FANK1: variants seen among roughly 807,000 people sequenced by gnomAD.
The protein encoded by FANK1 is fibronectin type III and ankyrin repeat domains 1.
A neutral mutation model predicts 45.3 loss-of-function variants in FANK1; 44 were observed. The observed-to-expected ratio is 0.97, with a 90% CI of 0.76 to 1.25. The LOEUF is 1.25. Among genes scored for constraint, FANK1 ranks in the 50% most tolerant of loss-of-function variants. The pLI is 0.00. For synonymous variants in FANK1, 149 were observed against 152.5 expected, an observed-to-expected ratio of 0.98 and a Z score of 0.17; for missense variants, 391 against 424.4, an observed-to-expected ratio of 0.92 and a Z score of 0.69.
At chr10:125,980,563 T>C (rs546796059) in intron 2 of FANK1, 1 of 483,842 alleles carries the variant, frequency 2.1e-6, no homozygotes, top group Non-Finnish European at 3.6e-6. Flanking sequence ...TTCTGAAATA[T>C]TTTAATGATA....
At position 126,005,939 on chromosome 10, in the gene FANK1, A is replaced by G. The variant is rs761304745; in HGVS notation, c.705+890A>G. Reference sequence around the variant, plus strand: ...TTATCAGAAACTGCAAATTTGATTTAGCAAATAGAAGCAGTGTTGTTGGAC... The same window carrying G: ...TTATCAGAAACTGCAAATTTGATTTGGCAAATAGAAGCAGTGTTGTTGGAC... On this transcript the variant is annotated intron_variant, in intron 7 of 10. Coordinates refer to ENST00000368693, the MANE Select transcript of FANK1 (RefSeq NM_145235.5). 3.3e-5 allele frequency among the ~76,000 whole-genome samples: 5 copies of G among 152,236 alleles called. No individual in the cohort carries two copies. In the South Asian group the frequency reaches 6.2e-4, roughly 19 times the overall value.
chr10:125,960,272 C>A (rs1949837725), intron 1 of FANK1: 1 of 300,334 alleles, frequency 3.3e-6, no homozygotes. Context: ...GCAGGGCATC[C>A]TTTCAGGCAT....
At chr10:125,898,411 G>C (rs112450158) in intron 1 of FANK1, among the ~76,000 whole-genome samples, 1 of 152,076 alleles carries the variant, frequency 6.6e-6, no homozygotes, top group Non-Finnish European at 1.5e-5. Context: ...GAACTCCTGA[G>C]GTCTTGGTGG....
chr10:125,974,390 CT>C (rs758264601), intron 1 of FANK1, among the ~76,000 whole-genome samples: 1 of 151,454 alleles, frequency 6.6e-6, no homozygotes, highest in East Asian at 1.9e-4. Context: ...ATACAAGATC[CT>C]TTTTTTTTAA....
intron 1 of FANK1, among the ~76,000 whole-genome samples, chr10:125,934,722 C>CTG (rs1564888108): frequency 8.1e-6 from 1 of 122,978 alleles, no homozygotes; most frequent in African/African-American, 3.2e-5. Flanking sequence ...TGTACCCCTA[C>CTG]CGTTTTTTTT....
At chr10:125,950,529 C>T (rs1351665543) in intron 1 of FANK1, among the ~76,000 whole-genome samples, 3 of 152,108 alleles carry the variant, frequency 2.0e-5, no homozygotes, top group Non-Finnish European at 4.4e-5. Flanking sequence ...CTCATCATCA[C>T]TGGCCATCAG....
chr10:125,941,567 A>G lies in FANK1; in HGVS notation c.14-38594A>G, dbSNP rs371145541. ...ACTGCTATGTCTAGGCCACAAAGAA[A>G]CCTTCATGTGGATACCAAGAAACCA... On this transcript the variant is annotated intron_variant, in intron 1 of 10. Transcript: ENST00000368693. Among the ~76,000 whole-genome samples the G allele has an allele frequency of 5.9e-5, 9 of 152,350 alleles. No individual in the cohort carries two copies. The South Asian group carries it at 1.0e-3, about 18-fold the overall frequency.
intron 1 of FANK1, among the ~76,000 whole-genome samples, chr10:125,909,440 C>T (rs1945809135): frequency 6.6e-6 from 1 of 150,876 alleles, no homozygotes; most frequent in Non-Finnish European, 1.5e-5. Context: ...TTATTATTTC[C>T]ATCATTTTAA....
chr10:125,958,508 G>A (rs774415198), intron 1 of FANK1, among the ~76,000 whole-genome samples: 3 of 152,122 alleles, frequency 2.0e-5, no homozygotes, highest in Non-Finnish European at 4.4e-5. Flanking sequence ...AAGGTGCTGG[G>A]ATTACAGGCA....
At chr10:125,949,354 G>A (rs1049739919) in intron 1 of FANK1, among the ~76,000 whole-genome samples, 15 of 151,854 alleles carry the variant, frequency 9.9e-5, no homozygotes, top group African/African-American at 3.6e-4. Context: ...CAACATGATT[G>A]TATATCTAGA....
chr10:125,947,894 CAG>C (rs908722385), intron 1 of FANK1, among the ~76,000 whole-genome samples: 7 of 142,972 alleles, frequency 4.9e-5, no homozygotes, highest in African/African-American at 1.8e-4. Flanking sequence ...TGTAAAAGAA[CAG>C]AAATTATAAC....
At chr10:125,953,012 C>T (rs1949352296) in intron 1 of FANK1, among the ~76,000 whole-genome samples, 1 of 152,084 alleles carries the variant, frequency 6.6e-6, no homozygotes, top group African/African-American at 2.4e-5. Flanking sequence ...TACTGGTCAG[C>T]CTCTGTTTCT....
chr10:125,972,664 G>A lies in FANK1; in HGVS notation c.14-7497G>A, dbSNP rs184917696. 27 of 152,286 alleles carry A rather than the reference G, an allele frequency of 1.8e-4. 1 individual carries two copies. In the East Asian group the frequency reaches 4.6e-3, roughly 26 times the overall value. The allele number at this position is 152,286 out of a possible 1,614,324, so 9.4% of individuals were successfully genotyped here. A position where few individuals can be genotyped will look rare whatever the true frequency, so the allele number is the denominator to read the frequency against. On this transcript the variant is annotated intron_variant, in intron 1 of 10. Transcript: ENST00000368693. ...AAAAAGCAACTCTTGCCTAAGTGGA[G>A]ATTTACATCTTGATGAGTTTTGTAT...
In FANK1 at chr10:125,984,059, G is replaced by T. The variant is rs546761168; in HGVS notation, c.191+3721G>T. Among the ~76,000 whole-genome samples the T allele has an allele frequency of 1.4e-4, 22 of 152,290 alleles. 1 individual carries two copies. The South Asian group carries it at 4.6e-3, about 32-fold the overall frequency. On this transcript the variant is annotated intron_variant, in intron 2 of 10. Transcript: ENST00000368693. ...GACCGAATATGGGATGTGAGATACG[G>T]GATGTGAGAGAGAGGATGGTCAAGG...
intron 3 of FANK1, among the ~76,000 whole-genome samples, chr10:125,992,705 A>T (rs1332425086): frequency 6.6e-6 from 1 of 150,758 alleles, no homozygotes; most frequent in Non-Finnish European, 1.5e-5. Context: ...AGGATGCGCT[A>T]GGAAGTGTCC....
chr10:125,919,195 ATTTTTTTTTTT>A (rs142716284), intron 1 of FANK1, among the ~76,000 whole-genome samples: 70 of 51,762 alleles, frequency 1.4e-3, no homozygotes, highest in South Asian at 3.7e-3. Context: ...GGAGGTAAGA[ATTTTTTTTTTT>A]TTTTTTTTTT....
At chr10:126,007,870 G>A (rs185131435) in intron 7 of FANK1, among the ~76,000 whole-genome samples, 4 of 152,292 alleles carry the variant, frequency 2.6e-5, no homozygotes, top group African/African-American at 9.6e-5. Flanking sequence ...AAGATGATCA[G>A]GAAACAGCCA....
At chr10:125,986,944 T>C (rs113341169) in intron 2 of FANK1, among the ~76,000 whole-genome samples, 2,547 of 152,298 alleles carry the variant, frequency 0.017, 75 homozygotes, top group African/African-American at 0.055. Flanking sequence ...CCTCATCCTT[T>C]AGGAGAAAGA....
At chr10:125,917,434 A>T (rs1375704132) in intron 1 of FANK1, among the ~76,000 whole-genome samples, 1 of 152,214 alleles carries the variant, frequency 6.6e-6, no homozygotes, top group African/African-American at 2.4e-5. Context: ...AATCATGAAT[A>T]AAAGCCAATT....
Sources: gnomAD v4.1 joint callset for allele counts (sites outside exome capture counted in the v4.1 genomes callset) on GRCh38, gnomAD v4.1.1 for gene constraint, MANE v1.5 for transcripts, NCBI Gene and HGNC (gene_info 2026-07-23, HGNC 2026-07-21) for gene names.